The following ADAMTS12 variants were observed in gnomAD, a reference collection of about 807,000 sequenced individuals.
ADAMTS12 encodes the protein A disintegrin and metalloproteinase with thrombospondin motifs 12.
In ADAMTS12, 118 loss-of-function variants were observed where a neutral mutation model predicts 167.8. The observed-to-expected ratio is 0.70, with a 90% CI of 0.61 to 0.82. The LOEUF is 0.82. Ranked by LOEUF, ADAMTS12 falls within the 40% of genes least tolerant of loss-of-function variation. The pLI is 0.00. For synonymous variants in ADAMTS12, 704 were observed against 716.9 expected, an observed-to-expected ratio of 0.98 and a Z score of 0.29; for missense variants, 1,916 against 1,998.8, an observed-to-expected ratio of 0.96 and a Z score of 0.79.
chr5:33,730,950 G>A (rs184411933), intron 3 of ADAMTS12, among the ~76,000 whole-genome samples: 31 of 152,136 alleles, frequency 2.0e-4, no homozygotes, highest in Admixed American at 1.2e-3. Flanking sequence ...AGACAGACCC[G>A]GATACAAATC....
chr5:33,776,839 G>A (rs1416671406), intron 2 of ADAMTS12, among the ~76,000 whole-genome samples: 1 of 151,880 alleles, frequency 6.6e-6, no homozygotes, highest in Non-Finnish European at 1.5e-5. Context: ...AAATGAAAGA[G>A]GAGCCATTTC....
At chr5:33,839,672 C>T (rs973090817) in intron 2 of ADAMTS12, among the ~76,000 whole-genome samples, 2 of 152,186 alleles carry the variant, frequency 1.3e-5, no homozygotes, top group African/African-American at 2.4e-5. Flanking sequence ...TTTGACTGTC[C>T]ACTTTAAAAC....
intron 2 of ADAMTS12, among the ~76,000 whole-genome samples, chr5:33,861,649 A>G (rs1749619653): frequency 6.6e-6 from 1 of 152,228 alleles, no homozygotes; most frequent in African/African-American, 2.4e-5. Context: ...GATATTCAGG[A>G]CTTGAACTCA....
intron 17 of ADAMTS12, among the ~76,000 whole-genome samples, chr5:33,591,001 C>A (rs1465575950): frequency 6.6e-6 from 1 of 151,578 alleles, no homozygotes; most frequent in African/African-American, 2.4e-5. Flanking sequence ...GGGTGTTTGC[C>A]ATAATCCCAC....
chr5:33,572,025 A>G (rs987051217), intron 19 of ADAMTS12, among the ~76,000 whole-genome samples: 1 of 152,204 alleles, frequency 6.6e-6, no homozygotes, highest in African/African-American at 2.4e-5. Context: ...CTCGACACAT[A>G]CACTCTCCCA....
intron 2 of ADAMTS12, among the ~76,000 whole-genome samples, chr5:33,817,801 T>A (rs1464688991): frequency 6.6e-6 from 1 of 152,178 alleles, no homozygotes; most frequent in East Asian, 1.9e-4. Flanking sequence ...AGTATTCAGA[T>A]GTCCCTGATC....
intron 5 of ADAMTS12, among the ~76,000 whole-genome samples, chr5:33,664,162 A>G (rs1741382439): frequency 1.3e-5 from 2 of 152,230 alleles, no homozygotes; most frequent in Admixed American, 1.3e-4. Context: ...AGCTCATTCT[A>G]AAATTTATAT....
At chr5:33,752,818 G>A (rs763307480) in intron 2 of ADAMTS12, among the ~76,000 whole-genome samples, 3 of 152,202 alleles carry the variant, frequency 2.0e-5, no homozygotes, top group Admixed American at 6.5e-5. Context: ...AAGCTGAGGA[G>A]CCCCCACAGT....
intron 2 of ADAMTS12, among the ~76,000 whole-genome samples, chr5:33,802,999 A>G (rs1747069054): frequency 6.6e-6 from 1 of 152,150 alleles, no homozygotes; most frequent in East Asian, 1.9e-4. Context: ...TCAGAAGGAG[A>G]CTTACCCATA....
intron 2 of ADAMTS12, among the ~76,000 whole-genome samples, chr5:33,849,398 A>G (rs1749108616): frequency 6.8e-6 from 1 of 146,364 alleles, no homozygotes; most frequent in Non-Finnish European, 1.5e-5. Flanking sequence ...CAATATATAT[A>G]TATGTATTGC....
intron 2 of ADAMTS12, among the ~76,000 whole-genome samples, chr5:33,850,276 A>G (rs1226711496): frequency 6.6e-6 from 1 of 152,098 alleles, no homozygotes; most frequent in Non-Finnish European, 1.5e-5. Flanking sequence ...TTTCAGACAC[A>G]ATGACTCAGC....
chr5:33,862,214 CT>C (rs1749644558), intron 2 of ADAMTS12, among the ~76,000 whole-genome samples: 1 of 151,976 alleles, frequency 6.6e-6, no homozygotes, highest in Non-Finnish European at 1.5e-5. Context: ...CATGAAAAAC[CT>C]TTCAAAAAAT....
chr5:33,705,441 T>G (rs1743161387), intron 3 of ADAMTS12, among the ~76,000 whole-genome samples: 1 of 152,148 alleles, frequency 6.6e-6, no homozygotes, highest in Admixed American at 6.5e-5. Flanking sequence ...CTTCATCAGA[T>G]GAATAGTTTT....
At chr5:33,774,572 G>A (rs1745850176) in intron 2 of ADAMTS12, among the ~76,000 whole-genome samples, 1 of 152,134 alleles carries the variant, frequency 6.6e-6, no homozygotes, top group South Asian at 2.1e-4. Flanking sequence ...AATTACCCTT[G>A]ACCTTTGATG....
At chr5:33,585,737 G>A (rs1468587548) in intron 18 of ADAMTS12, among the ~76,000 whole-genome samples, 2 of 152,214 alleles carry the variant, frequency 1.3e-5, no homozygotes, top group Non-Finnish European at 2.9e-5. Context: ...ACCTGAGATT[G>A]GAGGTGAGAG....
At chr5:33,614,876 G>A (rs1440676105) in intron 15 of ADAMTS12, among the ~76,000 whole-genome samples, 1 of 152,224 alleles carries the variant, frequency 6.6e-6, no homozygotes, top group African/African-American at 2.4e-5. Flanking sequence ...AAAGTGGTTA[G>A]AACAGTGGCT....
chr5:33,530,898 C>T (rs1344284432), intron 23 of ADAMTS12, among the ~76,000 whole-genome samples: 3 of 152,160 alleles, frequency 2.0e-5, no homozygotes, highest in African/African-American at 7.2e-5. Context: ...GAAGTCCTCA[C>T]CCTTTGTATC....
intron 7 of ADAMTS12, among the ~76,000 whole-genome samples, chr5:33,652,800 A>G (rs1319504880): frequency 1.3e-5 from 2 of 152,120 alleles, no homozygotes; most frequent in Non-Finnish European, 2.9e-5. Flanking sequence ...ATGTGGTGAG[A>G]GATAGGGGTC....
At chr5:33,639,498 A>G (rs899107603) in intron 11 of ADAMTS12, among the ~76,000 whole-genome samples, 1 of 152,224 alleles carries the variant, frequency 6.6e-6, no homozygotes, top group Non-Finnish European at 1.5e-5. Flanking sequence ...GTCCTGGAGA[A>G]TGGTCTTAAA....
Sources: allele counts gnomAD v4.1 joint callset (sites outside exome capture counted in the v4.1 genomes callset), GRCh38; gene constraint gnomAD v4.1.1; transcripts MANE v1.5; gene names NCBI Gene and HGNC (gene_info 2026-07-23, HGNC 2026-07-21).